Variants in THSD4 observed in about 807,000 individuals in gnomAD.
THSD4 encodes thrombospondin type-1 domain-containing protein 4.
Under a neutral mutation model 119.0 loss-of-function variants are expected in THSD4, and 69 were observed. The ratio of observed to expected loss-of-function variants is 0.58; its 90% CI spans 0.48 to 0.71. The LOEUF (loss-of-function observed/expected upper bound fraction) is 0.71, where lower values mean the gene tolerates loss of function less well. THSD4 is among the 30% of genes least tolerant of loss of function. The pLI, the probability that THSD4 is intolerant of heterozygous loss-of-function variation, is 0.00. For synonymous variants in THSD4, 524 were observed against 540.4 expected, an observed-to-expected ratio of 0.97 and a Z score of 0.42; for missense variants, 1,393 against 1,391.1, an observed-to-expected ratio of 1.00 and a Z score of -0.02.
intron 7 of THSD4, among the ~76,000 whole-genome samples, chr15:71,637,913 G>A (rs1376598083): frequency 2.6e-5 from 4 of 152,030 alleles, no homozygotes; most frequent in African/African-American, 9.7e-5. Flanking sequence ...TTTTAGTAGA[G>A]ACGGAGTTTC....
At chr15:71,253,202 C>T (rs935858339) in intron 5 of THSD4, among the ~76,000 whole-genome samples, 6 of 152,210 alleles carry the variant, frequency 3.9e-5, no homozygotes. Context: ...GGGAACTGGA[C>T]TACGCTTAGA....
intron 8 of THSD4, among the ~76,000 whole-genome samples, chr15:71,722,980 C>T (rs949524394): frequency 2.6e-5 from 4 of 152,080 alleles, no homozygotes; most frequent in Admixed American, 6.6e-5. Flanking sequence ...CGACCTAGCT[C>T]ATTCTTTTTC....
intron 7 of THSD4, among the ~76,000 whole-genome samples, chr15:71,541,003 G>C (rs1368143213): frequency 2.0e-5 from 3 of 152,234 alleles, no homozygotes; most frequent in African/African-American, 7.2e-5. Flanking sequence ...GATTACCAGC[G>C]TGAGCCACTG....
intron 1 of THSD4, among the ~76,000 whole-genome samples, chr15:71,122,199 A>G (rs200335011): frequency 1.3e-5 from 2 of 152,118 alleles, no homozygotes; most frequent in East Asian, 3.9e-4. Context: ...AGCGGGGAGG[A>G]GCTGCCATTA....
chr15:71,429,942 C>T (rs565862322), intron 7 of THSD4, among the ~76,000 whole-genome samples: 12 of 152,242 alleles, frequency 7.9e-5, no homozygotes, highest in Admixed American at 5.2e-4. Flanking sequence ...TTTATGGAAA[C>T]AGATGAAAAA....
intron 7 of THSD4, among the ~76,000 whole-genome samples, chr15:71,614,595 T>C (rs2050290112): frequency 6.6e-6 from 1 of 152,158 alleles, no homozygotes; most frequent in South Asian, 2.1e-4. Context: ...CATCCCTAAA[T>C]GTGAAATTTT....
chr15:71,260,279 T>C (rs1305451567), intron 6 of THSD4, among the ~76,000 whole-genome samples: 1 of 152,238 alleles, frequency 6.6e-6, no homozygotes, highest in Middle Eastern at 3.2e-3. Flanking sequence ...AACTTATTTT[T>C]TGAACATTTG....
intron 6 of THSD4, among the ~76,000 whole-genome samples, chr15:71,345,712 G>C (rs1398979122): frequency 6.6e-6 from 1 of 151,946 alleles, no homozygotes; most frequent in Non-Finnish European, 1.5e-5. Context: ...TGTTGCTAGA[G>C]AAGAACATCT....
chr15:71,347,489 C>T (rs2045681226), intron 6 of THSD4, among the ~76,000 whole-genome samples: 1 of 152,196 alleles, frequency 6.6e-6, no homozygotes, highest in Non-Finnish European at 1.5e-5. Context: ...AAGGTCTCTA[C>T]TTTCTATCTA....
intron 6 of THSD4, among the ~76,000 whole-genome samples, chr15:71,378,624 G>A (rs758470220): frequency 1.4e-4 from 21 of 152,210 alleles, no homozygotes; most frequent in Non-Finnish European, 2.4e-4. Context: ...CAGTTGCACT[G>A]TTCCACTCCA....
chr15:71,704,745 C>G (rs377044898), intron 8 of THSD4, among the ~76,000 whole-genome samples: 2 of 152,138 alleles, frequency 1.3e-5, no homozygotes, highest in Non-Finnish European at 2.9e-5. Context: ...GGCTACAACC[C>G]CTAGCTACAA....
intron 7 of THSD4, among the ~76,000 whole-genome samples, chr15:71,538,365 T>A (rs1197079423): frequency 1.3e-5 from 2 of 152,234 alleles, no homozygotes; most frequent in African/African-American, 4.8e-5. Flanking sequence ...TCCTTGATGA[T>A]TTGAAGTGAC....
intron 4 of THSD4, among the ~76,000 whole-genome samples, chr15:71,238,403 C>T (rs1227506804): frequency 1.3e-5 from 2 of 152,136 alleles, no homozygotes; most frequent in East Asian, 1.9e-4. Flanking sequence ...GTGACTATCA[C>T]GACTATCTAA....
At chr15:71,604,294 A>G (rs2050066595) in intron 7 of THSD4, among the ~76,000 whole-genome samples, 1 of 152,242 alleles carries the variant, frequency 6.6e-6, no homozygotes, top group Non-Finnish European at 1.5e-5. Context: ...AATGAGAAAT[A>G]TGAAAGTGTA....
At chr15:71,111,153 A>T, upstream of THSD4, 4 of 1,608,336 alleles carry the variant, frequency 2.5e-6, no homozygotes, top group Non-Finnish European at 3.4e-6. Context: ...GAACCTTCCT[A>T]TCTCCTCTGA....
intron 7 of THSD4, among the ~76,000 whole-genome samples, chr15:71,528,613 A>G (rs2048562850): frequency 6.6e-6 from 1 of 152,234 alleles, no homozygotes; most frequent in African/African-American, 2.4e-5. Flanking sequence ...GAGGCACTGT[A>G]TAAAGGTTCT....
intron 1 of THSD4, among the ~76,000 whole-genome samples, chr15:71,122,161 G>A (rs1173626724): frequency 6.6e-6 from 1 of 152,092 alleles, no homozygotes. Flanking sequence ...CATTCTGCTT[G>A]AAGTTCAGAG....
At chr15:71,567,838 C>G (rs1356449793) in intron 7 of THSD4, among the ~76,000 whole-genome samples, 1 of 151,926 alleles carries the variant, frequency 6.6e-6, no homozygotes, top group Non-Finnish European at 1.5e-5. Context: ...CCCCATGAAT[C>G]CCATCATGCT....
chr15:71,126,110 G>A (rs1393240666), intron 1 of THSD4, among the ~76,000 whole-genome samples: 1 of 152,228 alleles, frequency 6.6e-6, no homozygotes, highest in East Asian at 1.9e-4. Context: ...TAACTTGTTT[G>A]ACGTCCAGCA....
Sources: allele counts gnomAD v4.1 joint callset (sites outside exome capture counted in the v4.1 genomes callset), GRCh38; gene constraint gnomAD v4.1.1; transcripts MANE v1.5; gene names NCBI Gene and HGNC (gene_info 2026-07-23, HGNC 2026-07-21).